The following ATP10B variants were observed in gnomAD, a reference collection of about 807,000 sequenced individuals.
ATP10B encodes the protein phospholipid-transporting ATPase VB.
Under a neutral mutation model 141.2 loss-of-function variants are expected in ATP10B, and 122 were observed. The ratio of observed to expected loss-of-function variants is 0.86; its 90% CI spans 0.75 to 1.00. The LOEUF (loss-of-function observed/expected upper bound fraction) is 1.00, where lower values mean the gene tolerates loss of function less well. Among genes scored for constraint, ATP10B ranks in the 50% least tolerant of loss-of-function variants. The pLI is 0.00. For synonymous variants in ATP10B, 685 were observed against 692.0 expected (o/e 0.99, Z 0.16); for missense variants, 1,876 against 1,825.3 (o/e 1.03, Z -0.51).
Position 160,766,337 on chromosome 5 carries a change from AACACACACAC to A in ATP10B, c.-331+19212_-331+19221del, listed in dbSNP as rs58890049. On this transcript the variant is annotated intron_variant, in intron 2 of 25. Coordinates refer to ENST00000327245, the MANE Select transcript of ATP10B (RefSeq NM_025153.3). ...CACCAATCAATGAGTGGATAAAGAG[AACACACACAC>A]ACACACACACACACACACACACACA... Among the ~76,000 whole-genome samples the A allele has an allele frequency of 2.9e-3, 411 of 140,396 alleles. 3 individuals are homozygous for A. The highest frequency in any genetic ancestry group is 3.3e-3 in the South Asian group (14 of 4,264). The allele number at this position is 140,396 out of a possible 152,430, so 92.1% of individuals were successfully genotyped here.
chr5:160,748,033 C>A (rs2078100), intron 2 of ATP10B, among the ~76,000 whole-genome samples: 1 of 146,850 alleles, frequency 6.8e-6, no homozygotes, highest in Non-Finnish European at 1.5e-5. Context: ...GGGGTTGTGG[C>A]GGGGAGCGCA....
intron 2 of ATP10B, among the ~76,000 whole-genome samples, chr5:160,747,620 A>T (rs1233511632): frequency 6.6e-6 from 1 of 152,154 alleles, no homozygotes; most frequent in Non-Finnish European, 1.5e-5. Flanking sequence ...AGGCTACCAG[A>T]AGCTGGAAGA....
intron 6 of ATP10B, chr5:160,685,344 C>T (rs1162763146): frequency 1.8e-6 from 1 of 568,916 alleles, no homozygotes; most frequent in Non-Finnish European, 3.1e-6. Flanking sequence ...AGGCTGCAAA[C>T]CCCAGGGGAG....
chr5:160,895,772 T>C, the ATP10B span, among the ~76,000 whole-genome samples: 251 of 152,306 alleles, frequency 1.6e-3, 1 homozygote, highest in Admixed American at 2.8e-3. Flanking sequence ...ATATCACTTA[T>C]TGTAAAATTG....
At chr5:160,580,642 G>A (rs987354152) in intron 24 of ATP10B, among the ~76,000 whole-genome samples, 6 of 152,340 alleles carry the variant, frequency 3.9e-5, no homozygotes, top group Admixed American at 2.0e-4. Context: ...GTCTTTGCCA[G>A]GTTTTTGTAT....
intron 2 of ATP10B, among the ~76,000 whole-genome samples, chr5:160,729,674 A>G (rs1766603224): frequency 6.6e-6 from 1 of 152,238 alleles, no homozygotes; most frequent in Admixed American, 6.5e-5. Context: ...TTCAATAGGT[A>G]GAGATAGGTC....
chr5:160,714,918 A>C (rs1185489605), intron 3 of ATP10B, among the ~76,000 whole-genome samples: 4 of 143,744 alleles, frequency 2.8e-5, no homozygotes, highest in Non-Finnish European at 3.0e-5. Context: ...CCTCCCAGTT[A>C]GGCTGCTCGG....
At chr5:160,767,063 G>T (rs973974859) in intron 2 of ATP10B, among the ~76,000 whole-genome samples, 7 of 152,072 alleles carry the variant, frequency 4.6e-5, no homozygotes, top group Admixed American at 1.3e-4. Context: ...AAAAAAAAAG[G>T]AATTGTCTTG....
chr5:160,575,892 G>C (rs1243924038), intron 24 of ATP10B, among the ~76,000 whole-genome samples: 1 of 152,164 alleles, frequency 6.6e-6, no homozygotes, highest in Non-Finnish European at 1.5e-5. Context: ...ACTCAGCAAT[G>C]TCCCATGGAA....
chr5:160,825,836 G>A (rs768328680), intron 1 of ATP10B, among the ~76,000 whole-genome samples: 2 of 152,144 alleles, frequency 1.3e-5, no homozygotes, highest in Non-Finnish European at 2.9e-5. Flanking sequence ...AGTCAGCAGT[G>A]TCTATTGTTC....
At chr5:160,837,734 G>A (rs766754132) in intron 1 of ATP10B, among the ~76,000 whole-genome samples, 16 of 152,122 alleles carry the variant, frequency 1.1e-4, no homozygotes, top group Non-Finnish European at 1.9e-4. Flanking sequence ...ATTATCCTGC[G>A]TTTTTCAAAT....
chr5:160,912,934 G>T, the ATP10B span, among the ~76,000 whole-genome samples: 1 of 152,202 alleles, frequency 6.6e-6, no homozygotes, highest in African/African-American at 2.4e-5. Context: ...GCAAAGAAGA[G>T]AGAATGGTGT....
intron 2 of ATP10B, among the ~76,000 whole-genome samples, chr5:160,721,311 A>G (rs1561787978): frequency 6.6e-6 from 1 of 152,192 alleles, no homozygotes; most frequent in Non-Finnish European, 1.5e-5. Flanking sequence ...GTTTTGAGGT[A>G]CAAAATAGAT....
rs181177739 is a variant in ATP10B, at chr5:160,761,104, C to G, written c.-331+24455G>C. 2.9e-4 allele frequency among the ~76,000 whole-genome samples: 44 copies of G among 152,224 alleles called. 1 individual carries two copies. The highest frequency in any genetic ancestry group is 2.1e-4 in the South Asian group (1 of 4,820). On this transcript the variant is annotated intron_variant, in intron 2 of 25. Coordinates refer to ENST00000327245, the MANE Select transcript of ATP10B (RefSeq NM_025153.3). Reference sequence around the variant, plus strand: ...TACTTTTGGAGTACTCAAGCCATGACAGCAACTCAGAACAGAACCACCCTC... The same window carrying G: ...TACTTTTGGAGTACTCAAGCCATGAGAGCAACTCAGAACAGAACCACCCTC...
intron 3 of ATP10B, among the ~76,000 whole-genome samples, chr5:160,715,525 A>C (rs1273942241): frequency 1.4e-5 from 2 of 145,056 alleles, no homozygotes; most frequent in Non-Finnish European, 3.0e-5. Flanking sequence ...GGCACTCCCT[A>C]GTGAGATGAA....
intron 12 of ATP10B, chr5:160,633,769 G>A (rs1172722668): frequency 1.2e-5 from 2 of 164,794 alleles, no homozygotes; most frequent in Non-Finnish European, 2.7e-5. Context: ...GGAGGGGAAC[G>A]AAGTTGGGCA....
intron 1 of ATP10B, among the ~76,000 whole-genome samples, chr5:160,808,622 G>T (rs1484754389): frequency 2.6e-5 from 4 of 152,010 alleles, no homozygotes; most frequent in African/African-American, 4.8e-5. Context: ...GGAATGTTCT[G>T]CCCCAAACTC....
intron 18 of ATP10B, among the ~76,000 whole-genome samples, chr5:160,608,735 G>A (rs755201955): frequency 1.4e-4 from 22 of 152,224 alleles, no homozygotes; most frequent in Non-Finnish European, 2.8e-4. Flanking sequence ...CTTCTTGTGA[G>A]AAGTGTCTGT....
chr5:160,811,282 T>C (rs1387972457), intron 1 of ATP10B, among the ~76,000 whole-genome samples: 1 of 152,208 alleles, frequency 6.6e-6, no homozygotes, highest in Non-Finnish European at 1.5e-5. Flanking sequence ...AGGTTCCTTC[T>C]GCTTGAGAAA....
Sources: gnomAD v4.1 joint callset for allele counts (sites outside exome capture counted in the v4.1 genomes callset) on GRCh38, gnomAD v4.1.1 for gene constraint, MANE v1.5 for transcripts, NCBI Gene and HGNC (gene_info 2026-07-23, HGNC 2026-07-21) for gene names.